Variants in OR5H1 observed in about 807,000 individuals in gnomAD.
OR5H1 encodes the protein olfactory receptor family 5 subfamily H member 1.
For synonymous variants in OR5H1, 124 were observed against 134.4 expected (o/e 0.92, Z 0.54); for missense variants, 378 against 366.8 (o/e 1.03, Z -0.25).
rs549434197 is a variant in OR5H1 at position 98,138,477 on chromosome 3, C to A, written c.*4838C>A. ...ACAATATGAGAGGGTCTCTCTCTTC[C>A]CTCATCAGTCAGTCATCATAAAAGC... On this transcript the variant is annotated 3_prime_UTR_variant, in exon 2 of 2. Coordinates refer to ENST00000641874, the MANE Select transcript of OR5H1 (RefSeq NM_001005338.2). 2.6e-5 allele frequency: 4 copies of A among 152,152 alleles called. No individual in the cohort carries two copies. Among genetic ancestry groups the A allele is most frequent in the African/African-American group, 9.7e-5 (4 of 41,438 alleles). The allele number at this position is 152,152 out of a possible 1,614,324, so 9.4% of individuals were successfully genotyped here. A position where few individuals can be genotyped will look rare whatever the true frequency, so the allele number is the denominator to read the frequency against.
rs928216295 is a variant in OR5H1 at position 98,130,750 on chromosome 3, A to C, written c.-119A>C. On this transcript the variant is annotated 5_prime_UTR_variant, in exon 1 of 2. An upstream start codon of the reference 5' UTR is lost. Coordinates refer to ENST00000641874, the MANE Select transcript of OR5H1 (RefSeq NM_001005338.2). ...TTCAAAAAGAATGAATATGCCATGAATGGCTACCTGTATTATTGACATTGC... is the reference window on the plus strand; with the variant it reads ...TTCAAAAAGAATGAATATGCCATGACTGGCTACCTGTATTATTGACATTGC... 1 of 152,178 alleles carries C rather than the reference A, an allele frequency of 6.6e-6. No individual in the cohort carries two copies. Among genetic ancestry groups the C allele is most frequent in the African/African-American group, 2.4e-5 (1 of 41,452 alleles). The allele number at this position is 152,178 out of a possible 1,614,324, so 9.4% of individuals were successfully genotyped here.
intron 1 of OR5H1, among the ~76,000 whole-genome samples, chr3:98,131,441 G>A (rs1336082465): frequency 6.6e-6 from 1 of 151,430 alleles, no homozygotes; most frequent in Non-Finnish European, 1.5e-5. Context: ...GGCCATCCTA[G>A]ATCATGTCCC....
At position 98,137,219 on chromosome 3, in the gene OR5H1, A is replaced by T. The variant is rs1708330848; in HGVS notation, c.*3580A>T. ...CTGGAGAGGTCAGCTAAGGAGAAGA[A>T]GGTAAACGTATTAATTCTGTTTACA... On this transcript the variant is annotated 3_prime_UTR_variant, in exon 2 of 2. Coordinates refer to ENST00000641874, the MANE Select transcript of OR5H1 (RefSeq NM_001005338.2). 1 of 152,240 alleles carries T rather than the reference A, an allele frequency of 6.6e-6. No homozygotes were observed. The highest frequency in any genetic ancestry group is 2.1e-4 in the South Asian group (1 of 4,832). The allele number at this position is 152,240 out of a possible 1,614,324, so 9.4% of individuals were successfully genotyped here.
chr3:98,132,865 T>A lies in OR5H1; in HGVS notation c.168T>A (p.His56Gln). Residue 56 changes from histidine (H) to glutamine (Q), a missense_variant, in exon 2 of 2, where the codon CAT (histidine) becomes CAA (glutamine). Physicochemically the swap from His to Gln is conservative, Grantham distance 24. Transcript: ENST00000641874. ...TCATCTGGAAAGACCCTCACCTTCA[T>A]ATCCCAATGTACTTACTCCTTGGGA... ...IAVIWKDPHL[H>Q]IPMYLLLGNL... 6.2e-7 allele frequency: 1 copy of A among 1,607,692 alleles called. No homozygotes were observed. The highest frequency in any genetic ancestry group is 8.5e-7 in the Non-Finnish European group (1 of 1,177,398).
rs1387473187 is a variant in OR5H1, at chr3:98,137,560, T to A, written c.*3921T>A. ...TTTCATAATTCCTAGAAGTATGTGCTTTCCCATTATATAATTTTTCAGTGT... is the reference window on the plus strand; with the variant it reads ...TTTCATAATTCCTAGAAGTATGTGCATTCCCATTATATAATTTTTCAGTGT... On this transcript the variant is annotated 3_prime_UTR_variant, in exon 2 of 2. Coordinates refer to ENST00000641874, the MANE Select transcript of OR5H1 (RefSeq NM_001005338.2). The A allele has an allele frequency of 6.6e-6, 1 of 152,234 alleles. No individual in the cohort carries two copies. Among genetic ancestry groups the A allele is most frequent in the East Asian group, 1.9e-4 (1 of 5,196 alleles). 9.4% of individuals were successfully genotyped at this position (152,234 alleles called of 1,614,324 possible).
At position 98,133,423 on chromosome 3, in the gene OR5H1, A is replaced by T; in HGVS notation, c.726A>T (p.Gly242=). 6.2e-7 allele frequency: 1 copy of T among 1,613,590 alleles called. No individual in the cohort carries two copies. The highest frequency in any genetic ancestry group is 8.5e-7 in the Non-Finnish European group (1 of 1,179,706). ...KGVRKAFSTC[G]AHLFSVSLYY... ...TAAGGAAAGCCTTTTCCACCTGTGGAGCCCATCTCTTCTCTGTCTCTTTAT... is the reference window on the plus strand; with the variant it reads ...TAAGGAAAGCCTTTTCCACCTGTGGTGCCCATCTCTTCTCTGTCTCTTTAT... Residue 242 remains glycine (G), a synonymous_variant, in exon 2 of 2, where the codon GGA becomes GGT. Transcript: ENST00000641874.
rs1306004875 is a variant in OR5H1 at position 98,133,595 on chromosome 3, T to G, written c.898T>G (p.Ser300Ala). Reference protein sequence around the residue: ...YSLRNKQVTVSFTKMLKKHVK... With the variant: ...YSLRNKQVTVAFTKMLKKHVK... ...TCTGAGAAATAAGCAAGTCACAGTT[T>G]CATTCACAAAAATGTTAAAAAAACA... The change falls in exon 2 of 2, where the codon TCA (serine) becomes GCA (alanine). Residue 300 changes from serine (S) to alanine (A), a missense_variant. Transcript: ENST00000641874. The G allele has an allele frequency of 1.6e-5, 26 of 1,608,326 alleles. No individual in the cohort carries two copies. Among genetic ancestry groups the G allele is most frequent in the Non-Finnish European group, 2.1e-5 (25 of 1,178,008 alleles).
rs1457467169 is a variant in OR5H1, at chr3:98,132,665, T to C, written c.-18-15T>C. ...ATTGCAAATGTTCCCTTTCATTTGTTGCATTTTATTTTAGAGGGCATGCTG... is the reference window on the plus strand; with the variant it reads ...ATTGCAAATGTTCCCTTTCATTTGTCGCATTTTATTTTAGAGGGCATGCTG... On this transcript the variant is annotated splice_polypyrimidine_tract_variant and intron_variant, in intron 1 of 1. Coordinates refer to ENST00000641874, the MANE Select transcript of OR5H1 (RefSeq NM_001005338.2). 6.2e-7 allele frequency: 1 copy of C among 1,605,072 alleles called. No homozygotes were observed. The highest frequency in any genetic ancestry group is 1.7e-5 in the Admixed American group (1 of 58,988).
rs1240754668 is a variant in OR5H1, at chr3:98,138,277, C to T, written c.*4638C>T. 2.0e-5 allele frequency: 3 copies of T among 152,190 alleles called. No individual in the cohort carries two copies. Among genetic ancestry groups the T allele is most frequent in the Admixed American group, 1.3e-4 (2 of 15,272 alleles). The allele number at this position is 152,190 out of a possible 1,614,324, so 9.4% of individuals were successfully genotyped here. A position where few individuals can be genotyped will look rare whatever the true frequency, so the allele number is the denominator to read the frequency against. On this transcript the variant is annotated 3_prime_UTR_variant, in exon 2 of 2. Coordinates refer to ENST00000641874, the MANE Select transcript of OR5H1 (RefSeq NM_001005338.2). ...AACGGGAGGTTTCACAATGTCCTAC[C>T]ATACGATGTCTGGAATCTATAGATA...
Position 98,132,997 on chromosome 3 carries a change from G to C in OR5H1, c.300G>C (p.Gln100His). The change falls in exon 2 of 2, where the codon CAG becomes CAC. Residue 100 changes from glutamine to histidine, a missense_variant. Gln to His is a conservative substitution (Grantham distance 24). Transcript: ENST00000641874. ...KMISLSECKI[Q>H]FFSFAISVTT... is the part of the protein sequence containing the mutation. ...TATCTCTCTCTGAATGCAAGATACA[G>C]TTTTTTTCGTTTGCAATCAGTGTAA... is the stretch of plus-strand genomic sequence containing the variant. 6.2e-7 allele frequency: 1 copy of C among 1,613,376 alleles called. No individual in the cohort carries two copies. Among genetic ancestry groups the C allele is most frequent in the Non-Finnish European group, 8.5e-7 (1 of 1,179,662 alleles).
rs550540709 is a variant in OR5H1 at position 98,136,553 on chromosome 3, G to C, written c.*2914G>C. 6.6e-6 allele frequency: 1 copy of C among 152,252 alleles called. No homozygotes were observed. The highest frequency in any genetic ancestry group is 2.4e-5 in the African/African-American group (1 of 41,554). 9.4% of individuals were successfully genotyped at this position (152,252 alleles called of 1,614,324 possible). ...CAGCTATCAGCCCAGATTTTCTAAA[G>C]GAACTGGCTGTAGTTATTTTTCTGA... On this transcript the variant is annotated 3_prime_UTR_variant, in exon 2 of 2. Transcript: ENST00000641874.
At position 98,136,533 on chromosome 3, in the gene OR5H1, A is replaced by G. The variant is rs1708320301; in HGVS notation, c.*2894A>G. 1 of 152,158 alleles carries G rather than the reference A, an allele frequency of 6.6e-6. No homozygotes were observed. Among genetic ancestry groups the G allele is most frequent in the Non-Finnish European group, 1.5e-5 (1 of 68,030 alleles). 9.4% of individuals were successfully genotyped at this position (152,158 alleles called of 1,614,324 possible). A position where few individuals can be genotyped will look rare whatever the true frequency, so the allele number is the denominator to read the frequency against. On this transcript the variant is annotated 3_prime_UTR_variant, in exon 2 of 2. Transcript: ENST00000641874. ...ATGGCTAGAAAGCTTGTGAGCAGCT[A>G]TCAGCCCAGATTTTCTAAAGGAACT... is the stretch of plus-strand genomic sequence containing the variant.
At chr3:98,132,003 T>A (rs985075268) in intron 1 of OR5H1, among the ~76,000 whole-genome samples, 3 of 152,092 alleles carry the variant, frequency 2.0e-5, no homozygotes, top group Admixed American at 1.3e-4. Flanking sequence ...ACATTTAACA[T>A]GCATTTGAAT....
Position 98,133,384 on chromosome 3 carries a change from A to G in OR5H1, c.687A>G (p.Lys229=). The G allele has an allele frequency of 6.2e-7, 1 of 1,613,210 alleles. No individual in the cohort carries two copies. The highest frequency in any genetic ancestry group is 8.5e-7 in the Non-Finnish European group (1 of 1,179,598). ...TFVLFAILKK[K]SDKGVRKAFS... ...TTCTCTTCGCAATCTTAAAAAAGAA[A>G]TCTGATAAAGGTGTAAGGAAAGCCT... The change falls in exon 2 of 2, where the codon AAA becomes AAG. Residue 229 remains lysine, a synonymous_variant. Transcript: ENST00000641874.
rs1018801065 is a variant in OR5H1, at chr3:98,134,236, T to C, written c.*597T>C. The C allele has an allele frequency of 6.6e-6, 1 of 152,536 alleles. No homozygotes were observed. Among genetic ancestry groups the C allele is most frequent in the African/African-American group, 2.4e-5 (1 of 41,452 alleles). 9.4% of individuals were successfully genotyped at this position (152,536 alleles called of 1,614,324 possible). A position where few individuals can be genotyped will look rare whatever the true frequency, so the allele number is the denominator to read the frequency against. ...GTGTAAGAGCATGCTCTTAACTCTA[T>C]GTGCTCGTATGAGTAAGAAGAGGCA... is the stretch of plus-strand genomic sequence containing the variant. On this transcript the variant is annotated 3_prime_UTR_variant, in exon 2 of 2. Coordinates refer to ENST00000641874, the MANE Select transcript of OR5H1 (RefSeq NM_001005338.2).
chr3:98,132,542 A>T, intron 1 of OR5H1, 138 bp from the exon 2 acceptor site: 1 of 898,718 alleles, frequency 1.1e-6, no homozygotes, highest in Non-Finnish European at 1.7e-6. Flanking sequence ...CAACAAATAG[A>T]GATTCATCAG....
rs552348884 is a variant in OR5H1 at position 98,132,799 on chromosome 3, A to G, written c.102A>G (p.Ile34Met). Residue 34 changes from isoleucine to methionine, a missense_variant, in exon 2 of 2, where the codon ATA becomes ATG. Transcript: ENST00000641874. ...CCCTGTTCCTGGCATTCTTGGTAAT[A>G]TATCTCATCACCATCATGGGGAATC... ...KIPLFLAFLV[I>M]YLITIMGNLG... The G allele has an allele frequency of 3.7e-6, 6 of 1,613,534 alleles. No homozygotes were observed. Among genetic ancestry groups the G allele is most frequent in the South Asian group, 1.1e-5 (1 of 91,070 alleles).
At position 98,136,800 on chromosome 3, in the gene OR5H1, A is replaced by C. The variant is rs1175893063; in HGVS notation, c.*3161A>C. The C allele has an allele frequency of 6.6e-6, 1 of 152,132 alleles. No homozygotes were observed. The highest frequency in any genetic ancestry group is 1.5e-5 in the Non-Finnish European group (1 of 68,062). 9.4% of individuals were successfully genotyped at this position (152,132 alleles called of 1,614,324 possible). A position where few individuals can be genotyped will look rare whatever the true frequency, so the allele number is the denominator to read the frequency against. On this transcript the variant is annotated 3_prime_UTR_variant, in exon 2 of 2. Coordinates refer to ENST00000641874, the MANE Select transcript of OR5H1 (RefSeq NM_001005338.2). ...TCCTCTCTCACCACGTGATCACCACACTTGCCAGCTCCACTTCGCCTGCTG... is the reference window on the plus strand; with the variant it reads ...TCCTCTCTCACCACGTGATCACCACCCTTGCCAGCTCCACTTCGCCTGCTG...
rs1192986021 is a variant in OR5H1, at chr3:98,137,249, G to T, written c.*3610G>T. 2 of 152,168 alleles carry T rather than the reference G, an allele frequency of 1.3e-5. No individual in the cohort carries two copies. Among genetic ancestry groups the T allele is most frequent in the Non-Finnish European group, 2.9e-5 (2 of 68,020 alleles). The allele number at this position is 152,168 out of a possible 1,614,324, so 9.4% of individuals were successfully genotyped here. A position where few individuals can be genotyped will look rare whatever the true frequency, so the allele number is the denominator to read the frequency against. On this transcript the variant is annotated 3_prime_UTR_variant, in exon 2 of 2. Coordinates refer to ENST00000641874, the MANE Select transcript of OR5H1 (RefSeq NM_001005338.2). ...AACGTATTAATTCTGTTTACAAAAG[G>T]TATACTTGGCCAGATTGTTTGCAAA... is the stretch of plus-strand genomic sequence containing the variant.
Sources: gnomAD v4.1 joint callset for allele counts (sites outside exome capture counted in the v4.1 genomes callset) on GRCh38, gnomAD v4.1.1 for gene constraint, MANE v1.5 for transcripts, NCBI Gene and HGNC (gene_info 2026-07-23, HGNC 2026-07-21) for gene names.